Variants in ATE1 observed in about 807,000 individuals in gnomAD.
The protein encoded by ATE1 is arginyltransferase 1, also known as arginyl-tRNA--protein transferase 1.
ATE1 carries 36 observed loss-of-function variants against 70.5 expected under a neutral mutation model. That is an observed-to-expected ratio of 0.51 (90% CI 0.39 to 0.67). ATE1 has a LOEUF of 0.67. Ranked by LOEUF, ATE1 falls within the 30% of genes least tolerant of loss-of-function variation. ATE1 has a pLI of 0.00. For missense variants in ATE1, 593 were observed against 629.5 expected, an observed-to-expected ratio of 0.94 and a Z score of 0.62; for synonymous variants, 232 against 219.3, an observed-to-expected ratio of 1.06 and a Z score of -0.51.
chr10:121,835,373 C>G (rs1490396311), intron 10 of ATE1, among the ~76,000 whole-genome samples: 1 of 151,736 alleles, frequency 6.6e-6, no homozygotes, highest in African/African-American at 2.4e-5. Flanking sequence ...ATCGAACCAT[C>G]TCCCCAGTCA....
intron 5 of ATE1, among the ~76,000 whole-genome samples, chr10:121,904,654 A>G (rs1951119936): frequency 6.6e-6 from 1 of 150,890 alleles, no homozygotes; most frequent in African/African-American, 2.4e-5. Flanking sequence ...AAAAAAAAAA[A>G]AAAAAAAAAT....
intron 8 of ATE1, among the ~76,000 whole-genome samples, chr10:121,867,817 G>A (rs893204850): frequency 2.6e-5 from 4 of 152,042 alleles, no homozygotes; most frequent in Non-Finnish European, 5.9e-5. Flanking sequence ...TATATACTCC[G>A]AACACATATT....
rs114049185 is a variant in ATE1, at chr10:121,805,744, G to A, written c.1258-15455C>T. On this transcript the variant is annotated intron_variant, in intron 10 of 11. Coordinates refer to ENST00000224652, the MANE Select transcript of ATE1 (RefSeq NM_001001976.3). ...ACAGAATGTTTTTAAAATCCTTAAC[G>A]TTTGCAAGAAACTGTCAAAAACAAA... 7.8e-3 allele frequency among the ~76,000 whole-genome samples: 1,189 copies of A among 152,124 alleles called. 18 individuals carry two copies. Among genetic ancestry groups the A allele is most frequent in the African/African-American group, 0.028 (1,146 of 41,508 alleles).
chr10:121,871,212 T>A (rs557362535), intron 7 of ATE1, among the ~76,000 whole-genome samples: 15 of 152,178 alleles, frequency 9.9e-5, no homozygotes, highest in South Asian at 2.1e-4. Flanking sequence ...CCCAGCACTT[T>A]CGGAGGCCGA....
At chr10:121,889,814 T>TAA (rs895010373) in intron 7 of ATE1, among the ~76,000 whole-genome samples, 1 of 142,886 alleles carries the variant, frequency 7.0e-6, no homozygotes. Context: ...CCTTGTCTCT[T>TAA]AAAAAAAAAA....
At chr10:121,861,689 T>A (rs536992359) in intron 8 of ATE1, among the ~76,000 whole-genome samples, 1 of 150,490 alleles carries the variant, frequency 6.6e-6, no homozygotes, top group South Asian at 2.1e-4. Flanking sequence ...GCATGGCACA[T>A]GTATACATAC....
chr10:121,833,611 T>C (rs1948329580), intron 10 of ATE1, among the ~76,000 whole-genome samples: 1 of 151,690 alleles, frequency 6.6e-6, no homozygotes, highest in Non-Finnish European at 1.5e-5. Flanking sequence ...GATGGGGAAT[T>C]TGCAAGCTTG....
upstream of ATE1, chr10:121,928,147 A>G (rs2134689829): frequency 7.9e-7 from 1 of 1,265,406 alleles, no homozygotes; most frequent in East Asian, 3.2e-5. Flanking sequence ...GCAGCTTTCC[A>G]CTATTTCCGT....
intron 10 of ATE1, among the ~76,000 whole-genome samples, chr10:121,804,585 G>A (rs76779326): frequency 0.023 from 3,541 of 152,206 alleles, 161 homozygotes; most frequent in East Asian, 0.22. Flanking sequence ...TATACTTTTG[G>A]GCGTAAATGT....
chr10:121,788,867 AG>A (rs1037532132), intron 11 of ATE1, among the ~76,000 whole-genome samples: 43 of 152,232 alleles, frequency 2.8e-4, no homozygotes, highest in African/African-American at 1.0e-3. Flanking sequence ...CCATCCTGAG[AG>A]CATCAGCACC....
chr10:121,828,853 A>G (rs940908822), intron 10 of ATE1, among the ~76,000 whole-genome samples: 1 of 152,256 alleles, frequency 6.6e-6, no homozygotes, highest in Non-Finnish European at 1.5e-5. Context: ...GTGTTATTTC[A>G]GACCTGCTGT....
intron 11 of ATE1, among the ~76,000 whole-genome samples, chr10:121,750,801 AG>A (rs781496564): frequency 5.3e-5 from 8 of 152,254 alleles, no homozygotes; most frequent in Non-Finnish European, 8.8e-5. Context: ...TATAAATGGC[AG>A]ATGGCTGGAG....
intron 2 of ATE1, among the ~76,000 whole-genome samples, chr10:121,923,377 A>G (rs1274336890): frequency 6.6e-6 from 1 of 152,180 alleles, no homozygotes; most frequent in Non-Finnish European, 1.5e-5. Flanking sequence ...AGGCAAGAGG[A>G]TCACTTGAGT....
At chr10:121,744,213 T>C (rs896670742) in intron 11 of ATE1, among the ~76,000 whole-genome samples, 2 of 152,100 alleles carry the variant, frequency 1.3e-5, no homozygotes, top group African/African-American at 4.8e-5. Context: ...TGAGTCACTG[T>C]ACCCAGCCTT....
At chr10:121,846,493 G>A (rs1388131497) in intron 8 of ATE1, 1 of 152,158 alleles carries the variant, frequency 6.6e-6, no homozygotes, top group Admixed American at 6.5e-5. Flanking sequence ...TGGATTAATT[G>A]TGGAGATTAT....
intron 10 of ATE1, among the ~76,000 whole-genome samples, chr10:121,833,325 C>T (rs1287269407): frequency 6.6e-6 from 1 of 151,912 alleles, no homozygotes; most frequent in Non-Finnish European, 1.5e-5. Context: ...GAAGGCATTT[C>T]TCACTATCCT....
intron 11 of ATE1, among the ~76,000 whole-genome samples, chr10:121,777,433 T>C (rs754616464): frequency 2.0e-5 from 3 of 150,292 alleles, no homozygotes; most frequent in Admixed American, 6.6e-5. Flanking sequence ...AATGCAGGAT[T>C]CCATCAAGTT....
chr10:121,793,086 T>C (rs1946517451), intron 10 of ATE1, among the ~76,000 whole-genome samples: 1 of 152,164 alleles, frequency 6.6e-6, no homozygotes, highest in South Asian at 2.1e-4. Context: ...AAGAACACAA[T>C]GCATTTTTTT....
chr10:121,873,223 A>G (rs1247517784), intron 7 of ATE1, among the ~76,000 whole-genome samples: 4 of 152,190 alleles, frequency 2.6e-5, no homozygotes, highest in Admixed American at 2.0e-4. Context: ...CTAAATGCCA[A>G]TTATTCTGTC....
Sources: gnomAD v4.1 joint callset for allele counts (sites outside exome capture counted in the v4.1 genomes callset) on GRCh38, gnomAD v4.1.1 for gene constraint, MANE v1.5 for transcripts, NCBI Gene and HGNC (gene_info 2026-07-23, HGNC 2026-07-21) for gene names.